Variants in TRIM14 observed in about 807,000 individuals in gnomAD.
TRIM14 encodes tripartite motif containing 14.
A neutral mutation model predicts 44.5 loss-of-function variants in TRIM14; 28 were observed. That is an observed-to-expected ratio of 0.63 (90% CI 0.47 to 0.86). TRIM14 has a LOEUF of 0.86. Ranked by LOEUF, TRIM14 falls within the 40% of genes least tolerant of loss-of-function variation. TRIM14 has a pLI of 0.00. For missense variants in TRIM14, 607 were observed against 611.1 expected (o/e 0.99, Z 0.07); for synonymous variants, 299 against 269.2 (o/e 1.11, Z -1.08).
intron 1 of TRIM14, chr9:98,116,065 T>G (rs996840392): frequency 2.0e-5 from 3 of 151,966 alleles, no homozygotes; most frequent in African/African-American, 7.3e-5. Flanking sequence ...TTTGGGACAC[T>G]GAGGTGGGCA....
At chr9:98,038,348 G>A in the TRIM14 span, among the ~76,000 whole-genome samples, 1 of 151,950 alleles carries the variant, frequency 6.6e-6, no homozygotes, top group Admixed American at 6.6e-5. Context: ...TACCAAGCCC[G>A]GCCTAATTTA....
chr9:98,053,865 G>A, the TRIM14 span, among the ~76,000 whole-genome samples: 1 of 149,164 alleles, frequency 6.7e-6, no homozygotes, highest in South Asian at 2.1e-4. Context: ...GGAACCATAG[G>A]CAAAGCTTCT....
the TRIM14 span, among the ~76,000 whole-genome samples, chr9:98,062,792 T>G: frequency 1.3e-5 from 2 of 150,510 alleles, no homozygotes; most frequent in Non-Finnish European, 3.0e-5. Flanking sequence ...TTTTTTTTTT[T>G]TTTTTGAGAC....
chr9:98,056,599 T>A, the TRIM14 span: 1 of 662,992 alleles, frequency 1.5e-6, no homozygotes, highest in Non-Finnish European at 2.4e-6. Context: ...CCGCCGCCCT[T>A]CCCGCGGGAG....
chr9:98,050,689 C>T, the TRIM14 span, among the ~76,000 whole-genome samples: 1 of 152,142 alleles, frequency 6.6e-6, no homozygotes. Context: ...GTGACCAAAA[C>T]TTAGGGCCTT....
rs1329100241 is a variant in TRIM14 at position 98,078,302 on chromosome 9, C to T, written c.*29-8615G>A. 7.4e-6 allele frequency: 12 copies of T among 1,613,904 alleles called. No individual in the cohort carries two copies. The highest frequency in any genetic ancestry group is 2.2e-5 in the South Asian group (2 of 91,058). ...ACTTCTGCTTCTTGCAGTGTACCAG[C>T]GCATACCCGCTCCAGCCTGAGGACG... On this transcript the variant is annotated intron_variant, in intron 6 of 6. Coordinates refer to the TRIM14 transcript ENST00000375098.
At chr9:98,078,289 T>G (rs1166168838) in intron 6 of TRIM14, 4 of 1,614,004 alleles carry the variant, frequency 2.5e-6, no homozygotes, top group Non-Finnish European at 3.4e-6. Flanking sequence ...TTCTGCTTCT[T>G]GCAGTGTACC....
At chr9:98,108,626 G>A (rs934174693) in intron 2 of TRIM14, among the ~76,000 whole-genome samples, 10 of 151,780 alleles carry the variant, frequency 6.6e-5, no homozygotes, top group African/African-American at 2.4e-4. Flanking sequence ...AAATCCTTTG[G>A]TACTGTCTAT....
chr9:98,076,648 G>A (rs908433573), intron 6 of TRIM14: 2 of 390,102 alleles, frequency 5.1e-6, no homozygotes, highest in Middle Eastern at 7.1e-4. Context: ...GTGCAGGCAT[G>A]AGCCACCACG....
intron 1 of TRIM14, among the ~76,000 whole-genome samples, chr9:98,112,507 T>C (rs753846154): frequency 1.3e-5 from 2 of 152,072 alleles, no homozygotes; most frequent in African/African-American, 2.4e-5. Flanking sequence ...TTGGTTAAAA[T>C]GAGAAGGAAA....
chr9:98,039,351 T>C, the TRIM14 span, among the ~76,000 whole-genome samples: 2 of 152,176 alleles, frequency 1.3e-5, no homozygotes, highest in Non-Finnish European at 2.9e-5. Flanking sequence ...CTAACTTAAC[T>C]GACTCCAACT....
At chr9:98,113,832 G>A (rs182822634) in intron 1 of TRIM14, among the ~76,000 whole-genome samples, 1 of 152,228 alleles carries the variant, frequency 6.6e-6, no homozygotes, top group Admixed American at 6.5e-5. Flanking sequence ...CTATCAGAGT[G>A]GTTTTTGCTT....
At chr9:98,114,030 C>T (rs943226164) in intron 1 of TRIM14, among the ~76,000 whole-genome samples, 3 of 152,168 alleles carry the variant, frequency 2.0e-5, no homozygotes, top group Non-Finnish European at 4.4e-5. Context: ...TTGGGCATAA[C>T]CAGGACCCCT....
the TRIM14 span, among the ~76,000 whole-genome samples, chr9:98,045,328 A>C: frequency 6.6e-6 from 1 of 152,184 alleles, no homozygotes; most frequent in Non-Finnish European, 1.5e-5. Flanking sequence ...AATCAAGTTT[A>C]GCCTAAAGCT....
chr9:98,087,795 C>A lies in TRIM14; in HGVS notation c.1004G>T (p.Trp335Leu). 6.7e-7 allele frequency: 1 copy of A among 1,502,340 alleles called. No homozygotes were observed. Among genetic ancestry groups the A allele is most frequent in the Non-Finnish European group, 8.8e-7 (1 of 1,136,962 alleles). 93.1% of individuals were successfully genotyped at this position (1,502,340 alleles called of 1,614,324 possible). Residue 335 changes from tryptophan (W) to leucine (L), a missense_variant, in exon 6 of 6, where the codon TGG (tryptophan) becomes TTG (leucine). Trp to Leu is a moderately conservative substitution (Grantham distance 61, BLOSUM62 -2). Around this residue, in one of 3 missense-constraint regions of TRIM14, gnomAD observed 356 missense variants for 323.0 expected, o/e 1.10. Transcript: ENST00000341469. ...GGAGGCGTAGGCCGCGCCCACCCACCAGCCGGCGCCCGCCTCCTGCACGTC... is the reference window on the plus strand; with the variant it reads ...GGAGGCGTAGGCCGCGCCCACCCACAAGCCGGCGCCCGCCTCCTGCACGTC... ...EVDVQEAGAG[W>L]WVGAAYASLR...
downstream of TRIM14, chr9:98,083,164 A>T: frequency 1.0e-6 from 1 of 1,000,518 alleles, no homozygotes; most frequent in South Asian, 1.6e-5. Context: ...GCTGTCATCC[A>T]CCTCCACCTG....
chr9:98,059,174 C>T, the TRIM14 span, among the ~76,000 whole-genome samples: 1 of 152,030 alleles, frequency 6.6e-6, no homozygotes, highest in Non-Finnish European at 1.5e-5. Flanking sequence ...CAGGTGCCCA[C>T]CACCACACCT....
Position 98,100,073 on chromosome 9 carries a change from A to G in TRIM14, c.395T>C (p.Phe132Ser). 1.2e-6 allele frequency: 2 copies of G among 1,614,150 alleles called. No homozygotes were observed. Among genetic ancestry groups the G allele is most frequent in the Non-Finnish European group, 1.7e-6 (2 of 1,180,024 alleles). Residue 132 changes from phenylalanine (F) to serine (S), a missense_variant, in exon 3 of 6, where the codon TTC becomes TCC. Coordinates refer to ENST00000341469, the MANE Select transcript of TRIM14 (RefSeq NM_014788.4). ...LDEEEALAKK[F>S]IDKNTQLTLQ... ...GGTAAGCTGCGTGTTTTTATCAATGAATTTCTTGGCCAGCGCTTCCTCTTC... is the reference window on the plus strand; with the variant it reads ...GGTAAGCTGCGTGTTTTTATCAATGGATTTCTTGGCCAGCGCTTCCTCTTC...
At chr9:98,047,151 G>A in the TRIM14 span, among the ~76,000 whole-genome samples, 9 of 152,246 alleles carry the variant, frequency 5.9e-5, no homozygotes, top group South Asian at 1.9e-3. Context: ...CCCCCATACT[G>A]TTCTCATGGT....
Sources: gnomAD v4.1 joint callset for allele counts (sites outside exome capture counted in the v4.1 genomes callset) on GRCh38, gnomAD v4.1.1 for gene constraint, gnomAD v4.1.1 regional missense constraint, MANE v1.5 for transcripts, NCBI Gene and HGNC (gene_info 2026-07-23, HGNC 2026-07-21) for gene names.